The following NSD2 variants were observed in gnomAD, a reference collection of about 807,000 sequenced individuals.
NSD2 encodes the protein nuclear receptor binding SET domain protein 2.
NSD2 carries 12 observed loss-of-function variants against 139.0 expected under a neutral mutation model. That is an observed-to-expected ratio of 0.09 (90% CI 0.06 to 0.14). The LOEUF is 0.14. Ranked by LOEUF, NSD2 falls within the 10% of genes least tolerant of loss-of-function variation. NSD2 has a pLI of 1.00. For missense variants in NSD2, 1,155 were observed against 1,745.0 expected (o/e 0.66, Z 6.02); for synonymous variants, 669 against 648.7 (o/e 1.03, Z -0.48).
intron 9 of NSD2, chr4:1,944,330 G>A: frequency 1.9e-6 from 2 of 1,066,202 alleles, no homozygotes; most frequent in Non-Finnish European, 2.3e-6. Flanking sequence ...CTTGCCAAGA[G>A]TACAGAAATT....
intron 1 of NSD2, among the ~76,000 whole-genome samples, chr4:1,897,210 AGT>A (rs1338894801): frequency 1.3e-5 from 2 of 149,950 alleles, no homozygotes; most frequent in African/African-American, 4.9e-5. Flanking sequence ...GGCTGGGTGC[AGT>A]GTCTCATGCC....
intron 1 of NSD2, among the ~76,000 whole-genome samples, chr4:1,877,086 G>A (rs533829978): frequency 1.6e-4 from 24 of 152,032 alleles, no homozygotes; most frequent in African/African-American, 5.8e-4. Flanking sequence ...GAAATGAGCC[G>A]AGATCATGCT....
At chr4:1,872,391 T>TA (rs948879920) in intron 1 of NSD2, among the ~76,000 whole-genome samples, 5 of 152,140 alleles carry the variant, frequency 3.3e-5, no homozygotes, top group Non-Finnish European at 5.9e-5. Flanking sequence ...TCTCGGCGTT[T>TA]AAAAAATGCT....
At chr4:1,888,382 C>T (rs1233524209) in intron 1 of NSD2, among the ~76,000 whole-genome samples, 1 of 137,652 alleles carries the variant, frequency 7.3e-6, no homozygotes, top group East Asian at 2.1e-4. Flanking sequence ...CACTGCACTC[C>T]AGCCTGGGTG....
chr4:1,909,219 A>G (rs1442671367), intron 3 of NSD2, among the ~76,000 whole-genome samples: 4 of 152,120 alleles, frequency 2.6e-5, no homozygotes, highest in African/African-American at 9.7e-5. Flanking sequence ...ACGTTCTGGT[A>G]CAACAAGATG....
intron 18 of NSD2, among the ~76,000 whole-genome samples, chr4:1,971,569 C>G (rs529911696): frequency 6.6e-6 from 1 of 152,256 alleles, no homozygotes; most frequent in South Asian, 2.1e-4. Flanking sequence ...TCTCTTCTTA[C>G]GAGCCCACAA....
rs907287040 is a variant in NSD2 at position 1,949,826 on chromosome 4, A to C, written c.1882-1246A>C. 3.3e-5 allele frequency among the ~76,000 whole-genome samples: 5 copies of C among 151,756 alleles called. No homozygotes were observed. The South Asian group carries it at 1.0e-3, about 31-fold the overall frequency. Reference sequence around the variant, plus strand: ...TGAAGTCAGCAAACACTTCTGTGTTAGTTTTTAATTTGTTTTTCTTCCACC... The same window carrying C: ...TGAAGTCAGCAAACACTTCTGTGTTCGTTTTTAATTTGTTTTTCTTCCACC... On this transcript the variant is annotated intron_variant, in intron 9 of 21. Coordinates refer to ENST00000508803, the MANE Select transcript of NSD2 (RefSeq NM_001042424.3).
chr4:1,906,921 A>G (rs969290980), intron 3 of NSD2, among the ~76,000 whole-genome samples: 1 of 152,020 alleles, frequency 6.6e-6, no homozygotes, highest in Non-Finnish European at 1.5e-5. Flanking sequence ...TCGGCCTCCC[A>G]AAGTGCTGGG....
Position 1,978,878 on chromosome 4 carries a change from G to A in NSD2, c.4067G>A (p.Arg1356Lys), listed in dbSNP as rs762564946. 9 of 1,582,746 alleles carry A rather than the reference G, an allele frequency of 5.7e-6. No homozygotes were observed. The highest frequency in any genetic ancestry group is 7.7e-6 in the Non-Finnish European group (9 of 1,161,682). ...GKPKGKRRRR[R>K]GWRRVTEGK The stretch of plus-strand genomic sequence containing the variant: ...CCGAAGGGGAAGAGGCGGCGGCGGA[G>A]GGGCTGGCGGAGAGTCACAGAGGGC... The change falls in exon 22 of 22, where the codon AGG becomes AAG. Residue 1356 changes from arginine to lysine, a missense_variant. Transcript: ENST00000508803.
At chr4:1,964,145 T>C (rs555051427) in intron 18 of NSD2, among the ~76,000 whole-genome samples, 40 of 152,302 alleles carry the variant, frequency 2.6e-4, no homozygotes, top group African/African-American at 8.7e-4. Context: ...AAGGAGAATG[T>C]GAACTAAGTG....
intron 4 of NSD2, 84 bp from the exon 5 acceptor site, chr4:1,918,057 A>G (rs1231028383): frequency 1.3e-6 from 2 of 1,487,702 alleles, no homozygotes; most frequent in African/African-American, 1.4e-5. Flanking sequence ...CTGGAATTAT[A>G]GGCATGAATC....
In NSD2 at chr4:1,898,578, T is replaced by A. The variant is rs190612080; in HGVS notation, c.-29-2048T>A. 2.0e-5 allele frequency among the ~76,000 whole-genome samples: 3 copies of A among 150,878 alleles called. No individual in the cohort carries two copies. The East Asian group carries it at 5.9e-4, about 29-fold the overall frequency. On this transcript the variant is annotated intron_variant, in intron 1 of 21. Coordinates refer to ENST00000508803, the MANE Select transcript of NSD2 (RefSeq NM_001042424.3). ...ACTCAGGAGGGTGAGGCAGGAGAAT[T>A]GAACCCGGGAGGTGGAGGTTGCAGT... is the stretch of plus-strand genomic sequence containing the variant.
intron 1 of NSD2, among the ~76,000 whole-genome samples, chr4:1,880,614 A>G (rs987007551): frequency 1.3e-5 from 2 of 148,616 alleles, no homozygotes; most frequent in African/African-American, 4.9e-5. Context: ...ACTCCTGCCA[A>G]AAAAAAAAAA....
intron 17 of NSD2, among the ~76,000 whole-genome samples, chr4:1,959,969 T>A (rs1361664557): frequency 6.6e-6 from 1 of 152,152 alleles, no homozygotes; most frequent in African/African-American, 2.4e-5. Flanking sequence ...CAAGCCATCC[T>A]CCCACCTTAG....
At chr4:1,953,104 G>A (rs1395452373) in intron 11 of NSD2, 1 of 1,513,980 alleles carries the variant, frequency 6.6e-7, no homozygotes, top group Non-Finnish European at 8.9e-7. Context: ...CTGTATTTCA[G>A]GTGAAGCTGG....
At chr4:1,910,079 G>C (rs1398165633) in intron 3 of NSD2, among the ~76,000 whole-genome samples, 1 of 152,134 alleles carries the variant, frequency 6.6e-6, no homozygotes, top group African/African-American at 2.4e-5. Context: ...ATAAGCTACA[G>C]CTCAATCTAG....
At chr4:1,903,315 G>T (rs927610760) in intron 2 of NSD2, among the ~76,000 whole-genome samples, 9 of 152,224 alleles carry the variant, frequency 5.9e-5, no homozygotes, top group Admixed American at 3.3e-4. Context: ...AGAACTGTGA[G>T]TGGCTTGTGG....
chr4:1,880,176 G>A (rs193208953), intron 1 of NSD2, among the ~76,000 whole-genome samples: 363 of 152,200 alleles, frequency 2.4e-3, no homozygotes, highest in African/African-American at 8.1e-3. Context: ...TGTAATCTTT[G>A]TAGAGCCTTG....
chr4:1,940,741 C>T (rs929773914), intron 9 of NSD2: 2 of 1,060,432 alleles, frequency 1.9e-6, no homozygotes, highest in South Asian at 9.1e-5. Context: ...GAAGGCGGCA[C>T]TTCTGGCCAG....
Sources: allele counts gnomAD v4.1 joint callset (sites outside exome capture counted in the v4.1 genomes callset), GRCh38; gene constraint gnomAD v4.1.1; transcripts MANE v1.5; gene names NCBI Gene and HGNC (gene_info 2026-07-23, HGNC 2026-07-21).